The following NYAP2 variants were observed in gnomAD, a reference collection of about 807,000 sequenced individuals.
NYAP2 encodes the protein neuronal tyrosine-phosphorylated phosphoinositide-3-kinase adaptor 2.
In NYAP2, 23 loss-of-function variants were observed where a neutral mutation model predicts 50.4. That is an observed-to-expected ratio of 0.46 (90% CI 0.33 to 0.65). The LOEUF (loss-of-function observed/expected upper bound fraction) is 0.65. Among genes scored for constraint, NYAP2 ranks in the 30% least tolerant of loss-of-function variants. NYAP2 has a pLI of 0.02. For synonymous variants in NYAP2, 394 were observed against 365.2 expected, an observed-to-expected ratio of 1.08 and a Z score of -0.90; for missense variants, 885 against 861.0, an observed-to-expected ratio of 1.03 and a Z score of -0.35.
At chr2:225,441,876 T>C (rs1484119859) in intron 3 of NYAP2, among the ~76,000 whole-genome samples, 1 of 152,176 alleles carries the variant, frequency 6.6e-6, no homozygotes, top group Non-Finnish European at 1.5e-5. Flanking sequence ...CATCTATAAA[T>C]TGGAAATGCC....
the NYAP2 span, among the ~76,000 whole-genome samples, chr2:225,669,515 C>T: frequency 6.6e-6 from 1 of 152,066 alleles, no homozygotes; most frequent in Non-Finnish European, 1.5e-5. Context: ...TTTTCAACAA[C>T]TTATTTTTCT....
intron 5 of NYAP2, among the ~76,000 whole-genome samples, chr2:225,595,125 C>T (rs1464458663): frequency 6.6e-6 from 1 of 152,080 alleles, no homozygotes; most frequent in African/African-American, 2.4e-5. Flanking sequence ...CAGTTATATT[C>T]AATAAAATAG....
chr2:225,477,096 G>T (rs959850507), intron 3 of NYAP2, among the ~76,000 whole-genome samples: 2 of 152,050 alleles, frequency 1.3e-5, no homozygotes, highest in Non-Finnish European at 2.9e-5. Flanking sequence ...CACTTGTGAG[G>T]TATATATATT....
intron 3 of NYAP2, among the ~76,000 whole-genome samples, chr2:225,508,846 C>A (rs1401985528): frequency 6.6e-6 from 1 of 152,194 alleles, no homozygotes; most frequent in African/African-American, 2.4e-5. Flanking sequence ...CGGCAGCTGG[C>A]AGCTGACTGC....
chr2:225,515,194 CA>C (rs1042417527), intron 4 of NYAP2, among the ~76,000 whole-genome samples: 1 of 152,118 alleles, frequency 6.6e-6, no homozygotes, highest in African/African-American at 2.4e-5. Context: ...TATACATATG[CA>C]AAAAATGCCT....
At chr2:225,516,450 T>A (rs1277286490) in intron 4 of NYAP2, among the ~76,000 whole-genome samples, 1 of 152,182 alleles carries the variant, frequency 6.6e-6, no homozygotes, top group Non-Finnish European at 1.5e-5. Flanking sequence ...TCTGAGGGTG[T>A]TCAGTGGGCT....
At chr2:225,633,918 G>A (rs2106261751) in intron 6 of NYAP2, among the ~76,000 whole-genome samples, 1 of 152,314 alleles carries the variant, frequency 6.6e-6, no homozygotes, top group Non-Finnish European at 1.5e-5. Flanking sequence ...GTAAAATCAA[G>A]CGATGACCAT....
intron 4 of NYAP2, among the ~76,000 whole-genome samples, chr2:225,537,303 G>A (rs778300945): frequency 6.6e-6 from 1 of 151,984 alleles, no homozygotes; most frequent in Non-Finnish European, 1.5e-5. Context: ...ACAAATGTCG[G>A]TATCTCACTT....
intron 5 of NYAP2, among the ~76,000 whole-genome samples, chr2:225,613,038 T>C (rs1692927218): frequency 6.6e-6 from 1 of 152,114 alleles, no homozygotes; most frequent in South Asian, 2.1e-4. Context: ...TATTTGAACA[T>C]ATGAAAGGGA....
At chr2:225,490,206 T>C (rs931107936) in intron 3 of NYAP2, among the ~76,000 whole-genome samples, 1 of 152,162 alleles carries the variant, frequency 6.6e-6, no homozygotes, top group Non-Finnish European at 1.5e-5. Flanking sequence ...CTAAATACTC[T>C]AGGGAATTTG....
intron 4 of NYAP2, among the ~76,000 whole-genome samples, chr2:225,537,045 T>C (rs143601490): frequency 6.6e-6 from 1 of 152,194 alleles, no homozygotes; most frequent in Non-Finnish European, 1.5e-5. Flanking sequence ...CCCAAAGTGC[T>C]GGGATTACAG....
intron 4 of NYAP2, among the ~76,000 whole-genome samples, chr2:225,565,270 A>G (rs886154434): frequency 1.3e-5 from 2 of 152,212 alleles, no homozygotes; most frequent in Non-Finnish European, 1.5e-5. Flanking sequence ...TTTTTAAAAA[A>G]CTGATAAGAA....
intron 4 of NYAP2, among the ~76,000 whole-genome samples, chr2:225,574,226 A>G (rs1197229577): frequency 1.3e-5 from 2 of 152,190 alleles, no homozygotes; most frequent in Non-Finnish European, 2.9e-5. Flanking sequence ...CTGCAACCGC[A>G]CAAACCCAAT....
At chr2:225,515,311 A>G (rs1690908102) in intron 4 of NYAP2, among the ~76,000 whole-genome samples, 1 of 152,192 alleles carries the variant, frequency 6.6e-6, no homozygotes, top group African/African-American at 2.4e-5. Flanking sequence ...TTGTATTTTC[A>G]CTTCTTCTAT....
At chr2:225,690,575 G>A in the NYAP2 span, among the ~76,000 whole-genome samples, 4 of 152,018 alleles carry the variant, frequency 2.6e-5, no homozygotes, top group African/African-American at 9.7e-5. Context: ...AGTAACCTCT[G>A]CAGGGTTATT....
At chr2:225,603,016 T>A (rs1692718324) in intron 5 of NYAP2, among the ~76,000 whole-genome samples, 1 of 152,198 alleles carries the variant, frequency 6.6e-6, no homozygotes, top group Non-Finnish European at 1.5e-5. Context: ...TTTTGGGGAT[T>A]ACAATGACTA....
the NYAP2 span, among the ~76,000 whole-genome samples, chr2:225,671,989 C>CT: frequency 0.011 from 1,705 of 151,382 alleles, 25 homozygotes; most frequent in African/African-American, 0.037. Context: ...GGCATCCACA[C>CT]TTTTTTTTTT....
At chr2:225,403,575 A>C (rs2106115627) in intron 2 of NYAP2, among the ~76,000 whole-genome samples, 1 of 152,058 alleles carries the variant, frequency 6.6e-6, no homozygotes, top group East Asian at 1.9e-4. Flanking sequence ...ATTCTTTCCC[A>C]AAACAGAGCC....
Position 225,595,273 on chromosome 2 carries a change from A to G in NYAP2, c.1618+12238A>G, listed in dbSNP as rs555114397. ...GTATTCATGTGTTGTCCAACGTTAGATCCAACCATAGTGCTATGGGTGGAT... is the reference window on the plus strand; with the variant it reads ...GTATTCATGTGTTGTCCAACGTTAGGTCCAACCATAGTGCTATGGGTGGAT... On this transcript the variant is annotated intron_variant, in intron 5 of 6. Coordinates refer to ENST00000636099, the Ensembl canonical transcript of NYAP2. 2.0e-5 allele frequency among the ~76,000 whole-genome samples: 3 copies of G among 152,202 alleles called. No homozygotes were observed. In the South Asian group the frequency reaches 6.2e-4, roughly 32 times the overall value.
Sources: gnomAD v4.1 joint callset for allele counts (sites outside exome capture counted in the v4.1 genomes callset) on GRCh38, gnomAD v4.1.1 for gene constraint, MANE v1.5 for transcripts, NCBI Gene and HGNC (gene_info 2026-07-23, HGNC 2026-07-21) for gene names.